The following DNAH17 variants were observed in gnomAD, a reference collection of about 807,000 sequenced individuals.
DNAH17 encodes the protein dynein axonemal heavy chain 17.
Under a neutral mutation model 485.6 loss-of-function variants are expected in DNAH17, and 376 were observed. The ratio of observed to expected loss-of-function variants is 0.77; its 90% CI spans 0.71 to 0.84. The LOEUF (loss-of-function observed/expected upper bound fraction) is 0.84. Ranked by LOEUF, DNAH17 falls within the 40% of genes least tolerant of loss-of-function variation. DNAH17 has a pLI of 0.00. For missense variants in DNAH17, 6,370 were observed against 5,839.3 expected, an observed-to-expected ratio of 1.09 and a Z score of -2.96; for synonymous variants, 3,031 against 2,405.9, an observed-to-expected ratio of 1.26 and a Z score of -7.60.
In DNAH17 at chr17:78,448,096, C is replaced by T. The variant is rs922713057; in HGVS notation, c.11211+1318G>A. Among the ~76,000 whole-genome samples, 12 of 151,944 alleles carry T rather than the reference C, an allele frequency of 7.9e-5. No individual in the cohort carries two copies. In the South Asian group the frequency reaches 8.3e-4, roughly 11 times the overall value. ...CTGAGGTAGGGGAACTGCTTGAACCCGGGAGGTGGAGGTTGTGGTGGGCTG... is the reference window on the plus strand; with the variant it reads ...CTGAGGTAGGGGAACTGCTTGAACCTGGGAGGTGGAGGTTGTGGTGGGCTG... On this transcript the variant is annotated intron_variant, in intron 69 of 80. Transcript: ENST00000389840.
chr17:78,468,733 C>T lies in DNAH17; in HGVS notation c.8662G>A (p.Asp2888Asn), dbSNP rs548386708. The T allele has an allele frequency of 3.1e-6, 5 of 1,614,034 alleles. No individual in the cohort carries two copies. The highest frequency in any genetic ancestry group is 3.3e-5 in the Admixed American group (2 of 60,026). Residue 2888 changes from aspartate to asparagine, a missense_variant, in exon 55 of 81, where the codon GAC becomes AAC. Coordinates refer to ENST00000389840, the MANE Select transcript of DNAH17 (RefSeq NM_173628.4). ...GAGGAGATGATGTTCTCCACCTCGTCCTCCATAAACAGCCCAGGGATCTCT... is the reference window on the plus strand; with the variant it reads ...GAGGAGATGATGTTCTCCACCTCGTTCTCCATAAACAGCCCAGGGATCTCT... ...SGEIPGLFMEDEVENIISSMR... is the reference protein window; with the variant it reads ...SGEIPGLFMENEVENIISSMR...
rs577414372 is a variant in DNAH17, at chr17:78,510,265, G to T, written c.4236+119C>A. The T allele has an allele frequency of 1.4e-5, 21 of 1,458,966 alleles. No individual in the cohort carries two copies. In the African/African-American group the frequency reaches 2.4e-4, roughly 17 times the overall value. 90.4% of individuals were successfully genotyped at this position (1,458,966 alleles called of 1,614,324 possible). A position where few individuals can be genotyped will look rare whatever the true frequency, so the allele number is the denominator to read the frequency against. ...GTCACAGGTTGGGTAAGAAAGGCCC[G>T]CCAGACTTCCCGTGAGAGCCTTGGG... is the stretch of plus-strand genomic sequence containing the variant. On this transcript the variant is annotated intron_variant, in intron 27 of 80. Transcript: ENST00000389840.
In DNAH17 at chr17:78,572,752, G is replaced by A. The variant is rs2092378419; in HGVS notation, c.488C>T (p.Pro163Leu). 6.2e-7 allele frequency: 1 copy of A among 1,613,028 alleles called. No individual in the cohort carries two copies. The highest frequency in any genetic ancestry group is 8.5e-7 in the Non-Finnish European group (1 of 1,179,580). ...SGKIKGKTLL[P>L]IPEHLGSLDG... ...CAGGCTGCCCAGGTGCTCCGGAATA[G>A]GCAGCAAGGTTTTGCCTTTGATCTT... is the stretch of plus-strand genomic sequence containing the variant. Residue 163 changes from proline (P) to leucine (L), a missense_variant, in exon 3 of 81, where the codon CCT becomes CTT. By Grantham distance (98) the Pro-to-Leu change is moderately conservative (BLOSUM62 -3). Transcript: ENST00000389840.
At chr17:78,573,705 A>ACC (rs1250103728) in intron 2 of DNAH17, among the ~76,000 whole-genome samples, 2 of 152,126 alleles carry the variant, frequency 1.3e-5, no homozygotes, top group African/African-American at 4.8e-5. Flanking sequence ...CAGAAGGCCG[A>ACC]CCACATGAGG....
At chr17:78,515,045 C>T (rs760675077) in intron 25 of DNAH17, 23 bp from the exon 26 acceptor site, 5 of 1,611,546 alleles carry the variant, frequency 3.1e-6, no homozygotes, top group Non-Finnish European at 4.2e-6. Flanking sequence ...CATCCCGTTT[C>T]TCCTTCCACT....
At chr17:78,472,298 G>GTGGGGGTGCGAGGGTTAGGGTTAGGGAA (rs1408707160) in intron 54 of DNAH17, among the ~76,000 whole-genome samples, 14 of 141,950 alleles carry the variant, frequency 9.9e-5, no homozygotes, top group Non-Finnish European at 4.4e-5. Flanking sequence ...GGGTTAGGGA[G>GTGGGGGTGCGAGGGTTAGGGTTAGGGAA]TGGGGGTGCG....
rs1278029670 is a variant in DNAH17 at position 78,572,703 on chromosome 17, C to T, written c.537G>A (p.Glu179=). ...CGGAAGCAGCTGGGCCCACACACCTCTCCATGGACTCCAGCGTGCCATCCA... is the reference window on the plus strand; with the variant it reads ...CGGAAGCAGCTGGGCCCACACACCTTTCCATGGACTCCAGCGTGCCATCCA... ...GSLDGTLESM[E]RIPSSLDNLL... is the part of the protein sequence containing the mutation. Residue 179 remains glutamate (E), a splice_region_variant and synonymous_variant, in exon 3 of 81, where the codon GAG becomes GAA. Coordinates refer to ENST00000389840, the MANE Select transcript of DNAH17 (RefSeq NM_173628.4). 38 of 1,602,228 alleles carry T rather than the reference C, an allele frequency of 2.4e-5. No homozygotes were observed. Among genetic ancestry groups the T allele is most frequent in the Non-Finnish European group, 3.0e-5 (35 of 1,174,920 alleles).
At chr17:78,434,899 G>C (rs141489939) in intron 74 of DNAH17, among the ~76,000 whole-genome samples, 2 of 152,206 alleles carry the variant, frequency 1.3e-5, no homozygotes, top group African/African-American at 4.8e-5. Context: ...CACTCTGTGT[G>C]GGGGGAGGGC....
At position 78,500,415 on chromosome 17, in the gene DNAH17, C is replaced by A. The variant is rs754039088; in HGVS notation, c.5530G>T (p.Ala1844Ser). ...TQSLHLIMGG[A>S]PAGPAGTGKT... ...CCGGTCCCAGCGGGGCCGGCAGGGG[C>A]TCCACCCATGATGAGATGGAGGGAC... is the stretch of plus-strand genomic sequence containing the variant. The change falls in exon 36 of 81, where the codon GCC (alanine) becomes TCC (serine). Residue 1844 changes from alanine (A) to serine (S), a missense_variant. Physicochemically the swap from Ala to Ser is moderately conservative, Grantham distance 99 (BLOSUM62 1). Transcript: ENST00000389840. 13 of 1,609,158 alleles carry A rather than the reference C, an allele frequency of 8.1e-6. No individual in the cohort carries two copies.
At chr17:78,574,533 C>T (rs918497945) in intron 2 of DNAH17, among the ~76,000 whole-genome samples, 180 bp downstream of exon 2, 7 of 152,066 alleles carry the variant, frequency 4.6e-5, no homozygotes, top group African/African-American at 1.7e-4. Flanking sequence ...AAACCAAAAG[C>T]AAGCAGGTCT....
chr17:78,453,606 A>G (rs1304892126), intron 64 of DNAH17, 141 bp from the exon 65 acceptor site: 2 of 1,106,774 alleles, frequency 1.8e-6, no homozygotes, highest in African/African-American at 3.2e-5. Flanking sequence ...CTTGTTCCCA[A>G]CAGCTCGCCC....
Position 78,477,949 on chromosome 17 carries a change from T to TCCACC in DNAH17, c.7992+1075_7992+1076insGGTGG, listed in dbSNP as rs1568117040. Among the ~76,000 whole-genome samples the TCCACC allele has an allele frequency of 3.1e-3, 400 of 130,604 alleles. 7 individuals are homozygous for TCCACC. Among genetic ancestry groups the TCCACC allele is most frequent in the African/African-American group, 0.012 (366 of 30,470 alleles). The allele number at this position is 130,604 out of a possible 152,430, so 85.7% of individuals were successfully genotyped here. A position where few individuals can be genotyped will look rare whatever the true frequency, so the allele number is the denominator to read the frequency against. ...CCACCATCATCACCACCATCACCATTATCATCTCCACCATCACCACCACCA... is the reference window on the plus strand; with the variant it reads ...CCACCATCATCACCACCATCACCATTCCACCATCATCTCCACCATCACCACCACCA... On this transcript the variant is annotated intron_variant, in intron 51 of 80. Coordinates refer to ENST00000389840, the MANE Select transcript of DNAH17 (RefSeq NM_173628.4).
At chr17:78,491,332 C>T in intron 43 of DNAH17, 111 bp downstream of exon 43, 1 of 1,448,890 alleles carries the variant, frequency 6.9e-7, no homozygotes, top group Non-Finnish European at 9.3e-7. Flanking sequence ...GACACGCCAC[C>T]TGCGCCAAGC....
rs1414538572 is a variant in DNAH17, at chr17:78,569,545, C to T, written c.1045-18G>A. 24 of 1,595,128 alleles carry T rather than the reference C, an allele frequency of 1.5e-5. No homozygotes were observed. Among genetic ancestry groups the T allele is most frequent in the Non-Finnish European group, 1.8e-5 (21 of 1,171,202 alleles). On this transcript the variant is annotated intron_variant, in intron 7 of 80. Transcript: ENST00000389840. Reference sequence around the variant, plus strand: ...GTTCGTGTCTGGGCAAAAGAGAAGACAGACATCTAAAGCTCCGACAAGCCA... The same window carrying T: ...GTTCGTGTCTGGGCAAAAGAGAAGATAGACATCTAAAGCTCCGACAAGCCA...
At chr17:78,486,556 C>T (rs950613472) in intron 44 of DNAH17, 50 bp from the exon 45 acceptor site, 1 of 1,551,668 alleles carries the variant, frequency 6.4e-7, no homozygotes, top group Middle Eastern at 2.1e-4. Context: ...CTGGGTCTGC[C>T]AGTGTCCCTG....
At chr17:78,553,283 G>GGTGTTTTTTTT in intron 14 of DNAH17, among the ~76,000 whole-genome samples, 1 of 51,034 alleles carries the variant, frequency 2.0e-5, no homozygotes, top group African/African-American at 9.0e-5. Context: ...AGGTTTTTGT[G>GGTGTTTTTTTT]TTTTTTTTTT....
intron 56 of DNAH17, 78 bp from the exon 57 acceptor site, chr17:78,463,155 G>C (rs2088226342): frequency 7.2e-7 from 1 of 1,385,312 alleles, no homozygotes; most frequent in Non-Finnish European, 1.0e-6. Flanking sequence ...AGACTCACCA[G>C]GGGCCCTGGA....
chr17:78,556,293 C>T (rs2092022024), intron 14 of DNAH17, among the ~76,000 whole-genome samples: 1 of 152,142 alleles, frequency 6.6e-6, no homozygotes, highest in African/African-American at 2.4e-5. Context: ...CTAACTAATA[C>T]AATGGCCATG....
chr17:78,547,617 ATTTTT>A (rs58852980), intron 16 of DNAH17, among the ~76,000 whole-genome samples: 211 of 134,638 alleles, frequency 1.6e-3, no homozygotes, highest in Non-Finnish European at 1.5e-3. Context: ...GTTCATTACT[ATTTTT>A]TTTTTTTTTT....
Sources: allele counts gnomAD v4.1 joint callset (sites outside exome capture counted in the v4.1 genomes callset), GRCh38; gene constraint gnomAD v4.1.1; transcripts MANE v1.5; gene names NCBI Gene and HGNC (gene_info 2026-07-23, HGNC 2026-07-21).